NMBR: variants seen among roughly 807,000 people sequenced by gnomAD.
The protein encoded by NMBR is neuromedin-B receptor.
Under a neutral mutation model 20.5 loss-of-function variants are expected in NMBR, and 16 were observed. The observed-to-expected ratio is 0.78, with a 90% CI of 0.53 to 1.19. The LOEUF is 1.19. Ranked by LOEUF, NMBR falls within the 50% of genes most tolerant of loss-of-function variation. The pLI is 0.00. For synonymous variants in NMBR, 212 were observed against 196.6 expected, an observed-to-expected ratio of 1.08 and a Z score of -0.65; for missense variants, 582 against 499.1, an observed-to-expected ratio of 1.17 and a Z score of -1.58.
intron 1 of NMBR, among the ~76,000 whole-genome samples, chr6:142,093,946 GTGT>G (rs1327745048): frequency 6.7e-6 from 1 of 149,102 alleles, no homozygotes; most frequent in East Asian, 2.0e-4. Context: ...CTGCATAAAT[GTGT>G]TCTTTTGAGA....
chr6:142,090,265 T>C (rs1777299307), intron 1 of NMBR, among the ~76,000 whole-genome samples: 3 of 152,100 alleles, frequency 2.0e-5, no homozygotes, highest in Non-Finnish European at 2.9e-5. Flanking sequence ...AATTGAACAA[T>C]TGAATAATAA....
chr6:142,122,734 A>C (rs1028551438), intron 1 of NMBR, among the ~76,000 whole-genome samples: 1 of 151,946 alleles, frequency 6.6e-6, no homozygotes, highest in Non-Finnish European at 1.5e-5. Flanking sequence ...CTCTGCCTGC[A>C]TTCTATAAAT....
chr6:142,088,627 A>T lies in NMBR; in HGVS notation c.32T>A (p.Val11Glu). 1 of 1,606,010 alleles carries T rather than the reference A, an allele frequency of 6.2e-7. No homozygotes were observed. The highest frequency in any genetic ancestry group is 8.5e-7 in the Non-Finnish European group (1 of 1,179,768). MPSKSLSNLS[V>E]TTGANESGSV... is the part of the protein sequence containing the mutation. Reference sequence around the variant, plus strand: ...ACCGCTCTCATTCGCGCCGGTGGTCACCGAGAGGTTGGAAAGAGACTTAGA... The same window carrying T: ...ACCGCTCTCATTCGCGCCGGTGGTCTCCGAGAGGTTGGAAAGAGACTTAGA... The change falls in exon 2 of 4, where the codon GTG becomes GAG. Residue 11 changes from valine (V) to glutamate (E), a missense_variant. By Grantham distance (121) the Val-to-Glu change is moderately radical. Coordinates refer to ENST00000258042, the MANE Select transcript of NMBR (RefSeq NM_002511.4).
At chr6:142,105,768 T>C (rs1200235601) in intron 1 of NMBR, among the ~76,000 whole-genome samples, 1 of 152,170 alleles carries the variant, frequency 6.6e-6, no homozygotes, top group Non-Finnish European at 1.5e-5. Context: ...GTGAAAACTC[T>C]AGAAAGCAAT....
chr6:142,095,070 T>G, intron 1 of NMBR, among the ~76,000 whole-genome samples: 1 of 152,126 alleles, frequency 6.6e-6, no homozygotes, highest in East Asian at 1.9e-4. Context: ...AATGGGGTTT[T>G]CTAGATATAC....
intron 1 of NMBR, among the ~76,000 whole-genome samples, chr6:142,144,950 G>T (rs1778406928): frequency 7.0e-6 from 1 of 143,080 alleles, no homozygotes; most frequent in Non-Finnish European, 1.5e-5. Flanking sequence ...TTGAGCCCAG[G>T]AGTCCAAGAC....
chr6:142,087,640 G>C (rs902737679), intron 2 of NMBR, among the ~76,000 whole-genome samples: 3 of 152,066 alleles, frequency 2.0e-5, no homozygotes, highest in African/African-American at 7.2e-5. Context: ...GAAAAAAAAA[G>C]TCTCTTAGCT....
At chr6:142,138,230 G>C (rs1778297929) in intron 1 of NMBR, among the ~76,000 whole-genome samples, 1 of 152,058 alleles carries the variant, frequency 6.6e-6, no homozygotes, top group South Asian at 2.1e-4. Flanking sequence ...AGGGAAATCA[G>C]TATAGTCAAA....
intron 1 of NMBR, among the ~76,000 whole-genome samples, chr6:142,105,736 C>G (rs145250546): frequency 6.6e-6 from 1 of 152,180 alleles, no homozygotes; most frequent in East Asian, 1.9e-4. Context: ...ACAATTTTAA[C>G]TTTTAGTAAT....
chr6:142,106,565 T>C (rs140098185), intron 1 of NMBR, among the ~76,000 whole-genome samples: 81 of 152,310 alleles, frequency 5.3e-4, no homozygotes, highest in African/African-American at 1.8e-3. Flanking sequence ...TTCTTACAGC[T>C]TTTATAAAGG....
intron 1 of NMBR, among the ~76,000 whole-genome samples, chr6:142,108,287 T>A (rs1188887823): frequency 1.3e-5 from 2 of 151,980 alleles, no homozygotes; most frequent in Admixed American, 6.6e-5. Flanking sequence ...CATATCAAAG[T>A]AAAAATATTC....
intron 2 of NMBR, among the ~76,000 whole-genome samples, chr6:142,086,285 C>A (rs1777197413): frequency 6.6e-6 from 1 of 152,100 alleles, no homozygotes; most frequent in Non-Finnish European, 1.5e-5. Context: ...GCCTATCTAA[C>A]AGCATTGTGA....
chr6:142,119,817 AC>A (rs1287085243), intron 1 of NMBR, among the ~76,000 whole-genome samples: 1 of 151,822 alleles, frequency 6.6e-6, no homozygotes, highest in African/African-American at 2.4e-5. Context: ...TTACTAAACA[AC>A]CCACAGAGTC....
chr6:142,121,690 C>T (rs570413661), intron 1 of NMBR, among the ~76,000 whole-genome samples: 1 of 151,772 alleles, frequency 6.6e-6, no homozygotes, highest in African/African-American at 2.4e-5. Context: ...ACCTTTTATT[C>T]CCTCCTTAGC....
At chr6:142,092,865 T>C (rs1301134237) in intron 1 of NMBR, among the ~76,000 whole-genome samples, 1 of 152,166 alleles carries the variant, frequency 6.6e-6, no homozygotes, top group African/African-American at 2.4e-5. Context: ...CGTGTTTCTA[T>C]CTGCATGTGG....
At chr6:142,103,784 G>A (rs1777607395) in intron 1 of NMBR, among the ~76,000 whole-genome samples, 1 of 152,088 alleles carries the variant, frequency 6.6e-6, no homozygotes, top group Non-Finnish European at 1.5e-5. Flanking sequence ...ATCTCACAAA[G>A]TATTTTCTTG....
At chr6:142,082,792 T>C (rs1030187573) in intron 2 of NMBR, among the ~76,000 whole-genome samples, 1 of 152,210 alleles carries the variant, frequency 6.6e-6, no homozygotes, top group African/African-American at 2.4e-5. Context: ...TTATGATATG[T>C]CACATCATGA....
chr6:142,130,872 T>C (rs1279206912), intron 1 of NMBR, among the ~76,000 whole-genome samples: 1 of 152,126 alleles, frequency 6.6e-6, no homozygotes, highest in African/African-American at 2.4e-5. Flanking sequence ...AAGAGTATAG[T>C]ATACTGCAGA....
Position 142,088,603 on chromosome 6 carries a change from C to G in NMBR, c.56G>C (p.Gly19Ala). Residue 19 changes from glycine to alanine, a missense_variant, in exon 2 of 4, where the codon GGT becomes GCT. By Grantham distance (60) the Gly-to-Ala change is moderately conservative (BLOSUM62 0). Coordinates refer to ENST00000258042, the MANE Select transcript of NMBR (RefSeq NM_002511.4). Reference sequence around the variant, plus strand: ...CCTTTCCCACCCCTCGGGAACGGAACCGCTCTCATTCGCGCCGGTGGTCAC... The same window carrying G: ...CCTTTCCCACCCCTCGGGAACGGAAGCGCTCTCATTCGCGCCGGTGGTCAC... ...LSVTTGANES[G>A]SVPEGWERDF... 1.2e-6 allele frequency: 2 copies of G among 1,611,650 alleles called. No individual in the cohort carries two copies. The highest frequency in any genetic ancestry group is 2.2e-5 in the South Asian group (2 of 91,062).
Sources: allele counts gnomAD v4.1 joint callset (sites outside exome capture counted in the v4.1 genomes callset), GRCh38; gene constraint gnomAD v4.1.1; transcripts MANE v1.5; gene names NCBI Gene and HGNC (gene_info 2026-07-23, HGNC 2026-07-21).